Variants in ESYT3 observed in about 807,000 individuals in gnomAD.
ESYT3 encodes extended synaptotagmin-3.
A neutral mutation model predicts 111.5 loss-of-function variants in ESYT3; 101 were observed. That is an observed-to-expected ratio of 0.91 (90% CI 0.77 to 1.07). The LOEUF (loss-of-function observed/expected upper bound fraction) is 1.07. Ranked by LOEUF, ESYT3 falls within the 50% of genes least tolerant of loss-of-function variation. The probability of loss-of-function intolerance (pLI) is 0.00; values close to 1 mark genes in which losing one functional copy is unlikely to be tolerated. For synonymous variants in ESYT3, 416 were observed against 446.8 expected (o/e 0.93, Z 0.87); for missense variants, 1,097 against 1,109.4 (o/e 0.99, Z 0.16).
rs970851249 is a variant in ESYT3 at position 138,435,729 on chromosome 3, G to C, written c.327+604G>C. On this transcript the variant is annotated intron_variant, in intron 1 of 22. Coordinates refer to ENST00000389567, the MANE Select transcript of ESYT3 (RefSeq NM_031913.5). This position sits in a 1 kb window ranked among gnomAD's most constrained non-coding sequence, Gnocchi z 4.8. ...GATGCCGGCACACGCACACTGCCCC[G>C]ACAAACCCATCTCCTGGGGCGGCAT... Among the ~76,000 whole-genome samples, 2 of 151,738 alleles carry C rather than the reference G, an allele frequency of 1.3e-5. No individual in the cohort carries two copies. Among genetic ancestry groups the C allele is most frequent in the African/African-American group, 2.4e-5 (1 of 41,262 alleles).
At position 138,473,517 on chromosome 3, in the gene ESYT3, A is replaced by T. The variant is rs1433602259; in HGVS notation, c.2238-19A>T. 3 of 1,608,610 alleles carry T rather than the reference A, an allele frequency of 1.9e-6. No homozygotes were observed. The highest frequency in any genetic ancestry group is 2.7e-5 in the African/African-American group (2 of 74,822). ...AATGCTTGTTATGGCGAGAGAAGTG[A>T]TGGGCTCTTTCTTTACAGAGGTGGG... On this transcript the variant is annotated intron_variant, in intron 18 of 22. Coordinates refer to ENST00000389567, the MANE Select transcript of ESYT3 (RefSeq NM_031913.5).
chr3:138,465,212 G>T (rs2032865396), intron 9 of ESYT3, 127 bp from the exon 10 acceptor site: 1 of 631,930 alleles, frequency 1.6e-6, no homozygotes, highest in African/African-American at 1.8e-5. Context: ...CTTCTTATGG[G>T]TGGGGTTCTT....
At chr3:138,463,328 C>T (rs1356866238) in intron 8 of ESYT3, among the ~76,000 whole-genome samples, 2 of 152,166 alleles carry the variant, frequency 1.3e-5, no homozygotes, top group East Asian at 1.9e-4. Context: ...CTTCTGACCT[C>T]AGGTGATCCA....
Position 138,478,657 on chromosome 3 carries a change from G to A in ESYT3, c.*1803G>A, listed in dbSNP as rs1267449132. ...TTTTTACCTGTGTCAGGCAACACAG[G>A]TAAATACCTGGTGATGGTCTGAAGA... On this transcript the variant is annotated 3_prime_UTR_variant, in exon 23 of 23. Transcript: ENST00000389567. 6.6e-6 allele frequency: 1 copy of A among 152,160 alleles called. No individual in the cohort carries two copies. The highest frequency in any genetic ancestry group is 2.4e-5 in the African/African-American group (1 of 41,430). 9.4% of individuals were successfully genotyped at this position (152,160 alleles called of 1,614,324 possible). A position where few individuals can be genotyped will look rare whatever the true frequency, so the allele number is the denominator to read the frequency against.
chr3:138,447,970 A>C (rs764874734), intron 1 of ESYT3, among the ~76,000 whole-genome samples: 13 of 152,154 alleles, frequency 8.5e-5, no homozygotes, highest in African/African-American at 1.7e-4. Flanking sequence ...AAGAAAAAGC[A>C]AAATGGGGAA....
In ESYT3 at chr3:138,465,324, T is replaced by G. The variant is rs1324721583; in HGVS notation, c.1087-15T>G. 1.3e-6 allele frequency: 2 copies of G among 1,571,968 alleles called. No individual in the cohort carries two copies. The highest frequency in any genetic ancestry group is 1.7e-6 in the Non-Finnish European group (2 of 1,156,256). On this transcript the variant is annotated splice_polypyrimidine_tract_variant and intron_variant, in intron 9 of 22. Coordinates refer to ENST00000389567, the MANE Select transcript of ESYT3 (RefSeq NM_031913.5). ...ACTGTTGCCTGCAGGTCAAGACACC[T>G]CTTTTTCCTTCCAGTTCATGGTGTA...
intron 1 of ESYT3, among the ~76,000 whole-genome samples, chr3:138,444,437 G>C (rs1475462892): frequency 6.6e-6 from 1 of 152,198 alleles, no homozygotes; most frequent in Admixed American, 6.5e-5. Flanking sequence ...CATCAGTGAG[G>C]ATAGTGTACA....
At chr3:138,451,912 C>A in intron 1 of ESYT3, 136 bp from the exon 2 acceptor site, 1 of 951,410 alleles carries the variant, frequency 1.1e-6, no homozygotes, top group South Asian at 1.4e-5. Flanking sequence ...GCACCTGTGA[C>A]CGACGTGGAG....
chr3:138,475,200 CAAGT>C (rs1389159786), intron 20 of ESYT3, among the ~76,000 whole-genome samples: 1 of 152,066 alleles, frequency 6.6e-6, no homozygotes, highest in Admixed American at 6.5e-5. Flanking sequence ...TAGAGCCACA[CAAGT>C]AAGAGATTTT....
chr3:138,459,955 C>T lies in ESYT3; in HGVS notation c.659C>T (p.Thr220Ile), dbSNP rs1560229293. Residue 220 changes from threonine to isoleucine, a missense_variant, in exon 6 of 23, where the codon ACC becomes ATC. Physicochemically the swap from Thr to Ile is moderately conservative, Grantham distance 89. Coordinates refer to ENST00000389567, the MANE Select transcript of ESYT3 (RefSeq NM_031913.5). ...AGVNGIQLQG[T>I]LRVILEPLLV... ...TCTGTGCCTATCCAGTTGCAGGGCA[C>T]CCTGCGGGTCATCCTGGAGCCCCTC... is the stretch of plus-strand genomic sequence containing the variant. 6 of 1,614,004 alleles carry T rather than the reference C, an allele frequency of 3.7e-6. No individual in the cohort carries two copies. The highest frequency in any genetic ancestry group is 4.5e-5 in the East Asian group (2 of 44,858).
rs1305366946 is a variant in ESYT3, at chr3:138,477,206, C to G, written c.*352C>G. On this transcript the variant is annotated 3_prime_UTR_variant, in exon 23 of 23. Transcript: ENST00000389567. ...ATATACCATCTGATTTAGGACTTAC[C>G]TGAATGTATGTACCAGAAAGTGTCC... 5.6e-6 allele frequency: 1 copy of G among 180,010 alleles called. No homozygotes were observed. 11.2% of individuals were successfully genotyped at this position (180,010 alleles called of 1,614,324 possible). A position where few individuals can be genotyped will look rare whatever the true frequency, so the allele number is the denominator to read the frequency against.
chr3:138,458,478 CCCTTT>C (rs1395222338), intron 4 of ESYT3, among the ~76,000 whole-genome samples: 1 of 152,260 alleles, frequency 6.6e-6, no homozygotes, highest in Non-Finnish European at 1.5e-5. Flanking sequence ...CTCACTCCTG[CCCTTT>C]CAAGAGGCAC....
chr3:138,473,153 T>A, intron 18 of ESYT3: 1 of 1,306,794 alleles, frequency 7.7e-7, no homozygotes, highest in Non-Finnish European at 9.7e-7. Flanking sequence ...AAGCTTAATA[T>A]GTAGAATTAT....
At chr3:138,461,054 C>T (rs1275796729) in intron 7 of ESYT3, among the ~76,000 whole-genome samples, 1 of 152,204 alleles carries the variant, frequency 6.6e-6, no homozygotes, top group Non-Finnish European at 1.5e-5. Context: ...CTGGCTCTGT[C>T]ACTGAGCAAC....
intron 1 of ESYT3, among the ~76,000 whole-genome samples, chr3:138,444,386 T>G (rs2031384879): frequency 6.6e-6 from 1 of 152,194 alleles, no homozygotes. Flanking sequence ...ATCTTTGGAA[T>G]TTTCCAGGCC....
Position 138,476,950 on chromosome 3 carries a change from T to G in ESYT3, c.*96T>G. The G allele has an allele frequency of 2.1e-5, 20 of 960,342 alleles. No individual in the cohort carries two copies. Among genetic ancestry groups the G allele is most frequent in the Non-Finnish European group, 2.8e-5 (18 of 653,248 alleles). The allele number at this position is 960,342 out of a possible 1,614,324, so 59.5% of individuals were successfully genotyped here. Reference sequence around the variant, plus strand: ...ACTTACATCCAATATATGTATATTTTGTCATTTAAATCAGAACAACCACTT... The same window carrying G: ...ACTTACATCCAATATATGTATATTTGGTCATTTAAATCAGAACAACCACTT... On this transcript the variant is annotated 3_prime_UTR_variant, in exon 23 of 23. Transcript: ENST00000389567.
chr3:138,472,348 C>T lies in ESYT3; in HGVS notation c.1741-15C>T, dbSNP rs770329920. 1.6e-5 allele frequency: 26 copies of T among 1,611,402 alleles called. No homozygotes were observed. The highest frequency in any genetic ancestry group is 2.2e-5 in the Non-Finnish European group (26 of 1,178,906). ...GGTGACTCAGCTCATAAGCCACCCT[C>T]TTATCTGCTTGCAGTTCCTGCAAGT... On this transcript the variant is annotated splice_polypyrimidine_tract_variant and intron_variant, in intron 17 of 22. Transcript: ENST00000389567.
At chr3:138,452,150 C>T in intron 2 of ESYT3, 61 bp downstream of exon 2, 2 of 1,550,046 alleles carry the variant, frequency 1.3e-6, no homozygotes, top group Non-Finnish European at 8.8e-7. Flanking sequence ...CTCCCCGCGG[C>T]TGTCACCCCC....
At position 138,476,227 on chromosome 3, in the gene ESYT3, G is replaced by A. The variant is rs1347214461; in HGVS notation, c.2473G>A (p.Glu825Lys). 7 of 1,606,828 alleles carry A rather than the reference G, an allele frequency of 4.4e-6. No individual in the cohort carries two copies. Among genetic ancestry groups the A allele is most frequent in the Non-Finnish European group, 6.0e-6 (7 of 1,174,892 alleles). The change falls in exon 21 of 23, where the codon GAA becomes AAA. Residue 825 changes from glutamate to lysine, a missense_variant. Transcript: ENST00000389567. ...TLEPLFDETF[E>K]FFVPMEEVKK... Reference sequence around the variant, plus strand: ...CTTCCTTTTTGCTTCCTAAAGATTTGAATTTTTTGTTCCCATGGAAGAAGT... The same window carrying A: ...CTTCCTTTTTGCTTCCTAAAGATTTAAATTTTTTGTTCCCATGGAAGAAGT...
Sources: gnomAD v4.1 joint callset for allele counts (sites outside exome capture counted in the v4.1 genomes callset) on GRCh38, gnomAD v4.1.1 for gene constraint, Gnocchi (gnomAD v3.1) non-coding constraint, MANE v1.5 for transcripts, NCBI Gene and HGNC (gene_info 2026-07-23, HGNC 2026-07-21) for gene names.